The following RALYL variants were observed in gnomAD, a reference collection of about 807,000 sequenced individuals.
RALYL encodes RNA-binding Raly-like protein.
A neutral mutation model predicts 35.1 loss-of-function variants in RALYL; 29 were observed. That is an observed-to-expected ratio of 0.83 (90% CI 0.61 to 1.13). RALYL has a LOEUF of 1.13. Ranked by LOEUF, RALYL falls within the 50% of genes most tolerant of loss-of-function variation. The pLI, the probability that RALYL is intolerant of heterozygous loss-of-function variation, is 0.00. For synonymous variants in RALYL, 120 were observed against 127.6 expected (o/e 0.94, Z 0.40); for missense variants, 359 against 360.4 (o/e 1.00, Z 0.03).
intron 4 of RALYL, among the ~76,000 whole-genome samples, chr8:84,816,024 C>T (rs1259287574): frequency 9.5e-6 from 1 of 105,756 alleles, no homozygotes; most frequent in Non-Finnish European, 1.7e-5. Context: ...CAGAGAGAGA[C>T]TCTGTCTCAA....
intron 2 of RALYL, among the ~76,000 whole-genome samples, chr8:84,578,856 A>C (rs1011663261): frequency 6.6e-5 from 10 of 152,114 alleles, no homozygotes; most frequent in African/African-American, 2.4e-4. Context: ...AAAAGGGAGG[A>C]AGTGCATGCT....
At chr8:84,497,645 T>G (rs1425620745) in intron 1 of RALYL, among the ~76,000 whole-genome samples, 6 of 146,682 alleles carry the variant, frequency 4.1e-5, no homozygotes, top group African/African-American at 1.5e-4. Flanking sequence ...TGTTTTTGTT[T>G]TTTTTTTTTT....
intron 1 of RALYL, among the ~76,000 whole-genome samples, chr8:84,237,817 G>A (rs1826923245): frequency 6.6e-6 from 1 of 151,998 alleles, no homozygotes; most frequent in South Asian, 2.1e-4. Context: ...ATTTCAGATT[G>A]AAAATTTAAA....
intron 1 of RALYL, among the ~76,000 whole-genome samples, chr8:84,515,510 A>G (rs1212372567): frequency 6.6e-6 from 1 of 152,180 alleles, no homozygotes; most frequent in Admixed American, 6.5e-5. Context: ...TAACAACAGT[A>G]GTCAAAACTA....
chr8:84,364,717 T>C (rs1163296523), intron 1 of RALYL, among the ~76,000 whole-genome samples: 1 of 152,134 alleles, frequency 6.6e-6, no homozygotes, highest in Non-Finnish European at 1.5e-5. Flanking sequence ...ATAGCATTTT[T>C]TAAAATTTTA....
At chr8:84,564,166 A>G (rs1250746373) in intron 2 of RALYL, among the ~76,000 whole-genome samples, 1 of 151,794 alleles carries the variant, frequency 6.6e-6, no homozygotes, top group Non-Finnish European at 1.5e-5. Flanking sequence ...AAAGTGGTAC[A>G]AAATATAAGT....
intron 7 of RALYL, among the ~76,000 whole-genome samples, chr8:84,882,409 C>T (rs1192175085): frequency 6.6e-6 from 1 of 151,938 alleles, no homozygotes; most frequent in East Asian, 1.9e-4. Flanking sequence ...AATTTCAGAC[C>T]TCACATTTTA....
intron 1 of RALYL, among the ~76,000 whole-genome samples, chr8:84,456,133 A>G (rs896479119): frequency 1.3e-5 from 2 of 152,060 alleles, no homozygotes; most frequent in Non-Finnish European, 2.9e-5. Context: ...CCAATGGGGC[A>G]GAGAGACAAG....
rs370424200 is a variant in RALYL, at chr8:84,619,371, T to C, written c.256+89794T>C. Among the ~76,000 whole-genome samples, 22 of 150,658 alleles carry C rather than the reference T, an allele frequency of 1.5e-4. 1 individual carries two copies. The South Asian group carries it at 2.5e-3, about 17-fold the overall frequency. On this transcript the variant is annotated intron_variant, in intron 2 of 8. Coordinates refer to ENST00000521268, the MANE Select transcript of RALYL (RefSeq NM_173848.7). ...AATGGCCTTCTTTGTCTCTTTTGAT[T>C]TTTGTTGGTTTAAAGTCTGTTTTAT...
At chr8:84,878,856 G>A (rs1215073099) in intron 7 of RALYL, among the ~76,000 whole-genome samples, 1 of 152,082 alleles carries the variant, frequency 6.6e-6, no homozygotes, top group African/African-American at 2.4e-5. Flanking sequence ...ATCTGAATAA[G>A]CTTTAGTTTC....
At chr8:84,220,056 C>G (rs1471231636) in intron 1 of RALYL, among the ~76,000 whole-genome samples, 1 of 151,948 alleles carries the variant, frequency 6.6e-6, no homozygotes, top group African/African-American at 2.4e-5. Flanking sequence ...TACTAGGGTA[C>G]TCAGCAAAGT....
chr8:84,404,380 A>G (rs1217964799), intron 1 of RALYL, among the ~76,000 whole-genome samples: 3 of 152,112 alleles, frequency 2.0e-5, no homozygotes, highest in Admixed American at 6.5e-5. Flanking sequence ...TTTTAGCATG[A>G]AGGAGTGTTG....
At chr8:84,512,370 C>T (rs1239312047) in intron 1 of RALYL, among the ~76,000 whole-genome samples, 1 of 151,842 alleles carries the variant, frequency 6.6e-6, no homozygotes, top group Non-Finnish European at 1.5e-5. Flanking sequence ...AATGTCTATT[C>T]AGATCCTTTC....
chr8:84,899,946 G>A (rs1010800805), intron 8 of RALYL, among the ~76,000 whole-genome samples: 1 of 152,132 alleles, frequency 6.6e-6, no homozygotes, highest in African/African-American at 2.4e-5. Flanking sequence ...GCCCAGATAA[G>A]TAAGATAGAT....
At chr8:84,494,585 G>A (rs921873026) in intron 1 of RALYL, among the ~76,000 whole-genome samples, 1 of 151,970 alleles carries the variant, frequency 6.6e-6, no homozygotes, top group African/African-American at 2.4e-5. Context: ...CCTGAGCAGT[G>A]GCTTGTAGTT....
At chr8:84,370,576 C>T (rs927694267) in intron 1 of RALYL, among the ~76,000 whole-genome samples, 1 of 151,742 alleles carries the variant, frequency 6.6e-6, no homozygotes, top group Non-Finnish European at 1.5e-5. Flanking sequence ...TGGTAAGAGT[C>T]AGAAACAGGA....
At chr8:84,264,079 A>G (rs1212532175) in intron 1 of RALYL, among the ~76,000 whole-genome samples, 2 of 152,130 alleles carry the variant, frequency 1.3e-5, no homozygotes. Flanking sequence ...GAACATATGC[A>G]TGCATGTATC....
chr8:84,606,963 T>A (rs1817279829), intron 2 of RALYL, among the ~76,000 whole-genome samples: 1 of 152,032 alleles, frequency 6.6e-6, no homozygotes, highest in Non-Finnish European at 1.5e-5. Context: ...TTTATGTAAA[T>A]GGAGAAAATA....
chr8:84,390,207 G>A (rs1860315503), intron 1 of RALYL, among the ~76,000 whole-genome samples: 1 of 152,088 alleles, frequency 6.6e-6, no homozygotes, highest in South Asian at 2.1e-4. Flanking sequence ...TGATCATGGT[G>A]GATAAGCTTT....
Sources: allele counts gnomAD v4.1 joint callset (sites outside exome capture counted in the v4.1 genomes callset), GRCh38; gene constraint gnomAD v4.1.1; transcripts MANE v1.5; gene names NCBI Gene and HGNC (gene_info 2026-07-23, HGNC 2026-07-21).